TRPS1: variants seen among roughly 807,000 people sequenced by gnomAD.
TRPS1 encodes zinc finger transcription factor Trps1.
In TRPS1, 6 loss-of-function variants were observed where a neutral mutation model predicts 101.2. The ratio of observed to expected loss-of-function variants is 0.06; its 90% CI spans 0.03 to 0.12. TRPS1 has a LOEUF of 0.12. Among genes scored for constraint, TRPS1 ranks in the 10% least tolerant of loss-of-function variants. The pLI is 1.00. For missense variants in TRPS1, 1,363 were observed against 1,567.0 expected, an observed-to-expected ratio of 0.87 and a Z score of 2.20; for synonymous variants, 578 against 589.8, an observed-to-expected ratio of 0.98 and a Z score of 0.29.
At chr8:115,475,767 A>G (rs1814589808) in intron 5 of TRPS1, among the ~76,000 whole-genome samples, 1 of 152,140 alleles carries the variant, frequency 6.6e-6, no homozygotes, top group African/African-American at 2.4e-5. Flanking sequence ...GCTTCATACT[A>G]TCAATTACAA....
At chr8:115,511,796 T>A (rs1815590853) in intron 5 of TRPS1, among the ~76,000 whole-genome samples, 1 of 151,922 alleles carries the variant, frequency 6.6e-6, no homozygotes, top group Non-Finnish European at 1.5e-5. Context: ...ATAGGTGACA[T>A]ATCAAAAAGA....
intron 5 of TRPS1, among the ~76,000 whole-genome samples, chr8:115,526,075 C>T (rs886137470): frequency 2.0e-5 from 3 of 152,108 alleles, no homozygotes; most frequent in African/African-American, 7.2e-5. Context: ...AACATGAAAA[C>T]ATGTAAAATG....
intron 5 of TRPS1, among the ~76,000 whole-genome samples, chr8:115,559,352 C>T (rs1220898060): frequency 2.0e-5 from 3 of 152,118 alleles, no homozygotes; most frequent in African/African-American, 4.8e-5. Flanking sequence ...AGGTATTCAT[C>T]TTTGATACTG....
At chr8:115,460,604 C>G (rs1814144541) in intron 5 of TRPS1, among the ~76,000 whole-genome samples, 1 of 151,830 alleles carries the variant, frequency 6.6e-6, no homozygotes, top group Non-Finnish European at 1.5e-5. Context: ...GGCATCAGAT[C>G]TGAAGTGAAA....
intron 1 of TRPS1, among the ~76,000 whole-genome samples, chr8:115,636,183 A>C (rs546393925): frequency 6.6e-6 from 1 of 152,130 alleles, no homozygotes; most frequent in East Asian, 1.9e-4. Context: ...ACATACATAT[A>C]ATTTATTTTA....
chr8:115,533,436 GTT>G (rs1161916592), intron 5 of TRPS1, among the ~76,000 whole-genome samples: 1 of 34,986 alleles, frequency 2.9e-5, no homozygotes, highest in African/African-American at 1.0e-4. Flanking sequence ...CATGTAATCT[GTT>G]TTTTTTTTTT....
intron 5 of TRPS1, among the ~76,000 whole-genome samples, chr8:115,546,752 A>C (rs1245422513): frequency 1.3e-5 from 2 of 152,234 alleles, no homozygotes; most frequent in Non-Finnish European, 1.5e-5. Flanking sequence ...TGGGCAAAAC[A>C]GTTTACATAA....
At chr8:115,510,071 C>T (rs1407181926) in intron 5 of TRPS1, among the ~76,000 whole-genome samples, 1 of 151,978 alleles carries the variant, frequency 6.6e-6, no homozygotes, top group African/African-American at 2.4e-5. Flanking sequence ...TTCCCTGACT[C>T]CAATTCTATT....
chr8:115,533,436 G>GTTTTTCTTTTTTTTTTTTTTT (rs1816187955), intron 5 of TRPS1, among the ~76,000 whole-genome samples: 1 of 34,986 alleles, frequency 2.9e-5, no homozygotes, highest in Admixed American at 4.5e-4. Flanking sequence ...CATGTAATCT[G>GTTTTTCTTTTTTTTTTTTTTT]TTTTTTTTTT....
At chr8:115,612,762 A>C (rs1053184654) in intron 3 of TRPS1, among the ~76,000 whole-genome samples, 1 of 152,188 alleles carries the variant, frequency 6.6e-6, no homozygotes, top group African/African-American at 2.4e-5. Flanking sequence ...TGAATTCCCA[A>C]ACTCCTCACT....
chr8:115,535,238 TATATAGC>T (rs1816267609), intron 5 of TRPS1, among the ~76,000 whole-genome samples: 2 of 74,366 alleles, frequency 2.7e-5, no homozygotes, highest in South Asian at 4.5e-4. Flanking sequence ...ATATATAGCA[TATATAGC>T]ATATATAGCA....
rs950875992 is a variant in TRPS1, at chr8:115,408,498, T to C, written c.*5525A>G. 6.9e-6 allele frequency: 1 copy of C among 145,598 alleles called. No homozygotes were observed. Among genetic ancestry groups the C allele is most frequent in the Non-Finnish European group, 1.5e-5 (1 of 66,000 alleles). 9.0% of individuals were successfully genotyped at this position (145,598 alleles called of 1,614,324 possible). ...TATAAACCATACCAACGCCGTTATG[T>C]GTAACTGGTGGTAAAACTTTATTAT... On this transcript the variant is annotated 3_prime_UTR_variant, in exon 7 of 7. Transcript: ENST00000395715.
intron 5 of TRPS1, among the ~76,000 whole-genome samples, chr8:115,533,982 C>A (rs1350605035): frequency 1.3e-5 from 2 of 152,194 alleles, no homozygotes; most frequent in Non-Finnish European, 2.9e-5. Flanking sequence ...CCCGAAACAC[C>A]ATCAGACTGG....
chr8:115,657,787 C>A (rs1811707595), intron 1 of TRPS1, among the ~76,000 whole-genome samples: 1 of 151,994 alleles, frequency 6.6e-6, no homozygotes, highest in Non-Finnish European at 1.5e-5. Flanking sequence ...TAATTCCATG[C>A]AACGCATTTC....
intron 5 of TRPS1, among the ~76,000 whole-genome samples, chr8:115,481,727 G>A (rs951578802): frequency 3.9e-5 from 6 of 152,128 alleles, no homozygotes; most frequent in African/African-American, 1.4e-4. Flanking sequence ...GTGGAAACCT[G>A]GATAAGTATA....
chr8:115,426,450 T>A (rs1813188373), intron 5 of TRPS1, among the ~76,000 whole-genome samples: 1 of 152,174 alleles, frequency 6.6e-6, no homozygotes, highest in Admixed American at 6.5e-5. Context: ...TCAGATACAG[T>A]TATTAATATT....
Position 115,449,956 on chromosome 8 carries a change from A to AACACACACACACACAC in TRPS1, c.2701-31520_2701-31505dup, listed in dbSNP as rs61176190. Among the ~76,000 whole-genome samples the AACACACACACACACAC allele has an allele frequency of 1.2e-3, 180 of 147,010 alleles. 1 individual carries two copies. The highest frequency in any genetic ancestry group is 3.9e-3 in the African/African-American group (155 of 39,558). ...GAGATGCCAAAGTAATATGTGATTT[A>AACACACACACACACAC]ACACACACACACACACACACACACA... is the stretch of plus-strand genomic sequence containing the variant. On this transcript the variant is annotated intron_variant, in intron 5 of 6. Coordinates refer to ENST00000395715, the MANE Select transcript of TRPS1 (RefSeq NM_014112.5).
At chr8:115,482,677 G>A (rs1814783342) in intron 5 of TRPS1, among the ~76,000 whole-genome samples, 1 of 152,104 alleles carries the variant, frequency 6.6e-6, no homozygotes, top group Admixed American at 6.6e-5. Context: ...GTAACTCTTT[G>A]ATTTCTTTTT....
intron 5 of TRPS1, among the ~76,000 whole-genome samples, chr8:115,536,455 G>A (rs1178730350): frequency 4.0e-5 from 6 of 150,298 alleles, no homozygotes; most frequent in East Asian, 2.0e-4. Flanking sequence ...CCCGGGAGGC[G>A]GAGCTTGCAG....
Sources: gnomAD v4.1 joint callset for allele counts (sites outside exome capture counted in the v4.1 genomes callset) on GRCh38, gnomAD v4.1.1 for gene constraint, MANE v1.5 for transcripts, NCBI Gene and HGNC (gene_info 2026-07-23, HGNC 2026-07-21) for gene names.